Variants in NMNAT2 observed in about 807,000 individuals in gnomAD.
The protein encoded by NMNAT2 is nicotinamide/nicotinic acid mononucleotide adenylyltransferase 2.
In NMNAT2, 11 loss-of-function variants were observed where a neutral mutation model predicts 41.6. The observed-to-expected ratio is 0.26, with a 90% confidence interval of 0.17 to 0.44. The LOEUF is 0.44. Ranked by LOEUF, NMNAT2 falls within the 20% of genes least tolerant of loss-of-function variation. The probability of loss-of-function intolerance (pLI) is 1.00; values close to 1 mark genes in which losing one functional copy is unlikely to be tolerated. For synonymous variants in NMNAT2, 148 were observed against 151.2 expected (o/e 0.98, Z 0.16); for missense variants, 288 against 407.7 (o/e 0.71, Z 2.53).
chr1:183,316,200 CAGGG>C (rs1439665669), intron 1 of NMNAT2, among the ~76,000 whole-genome samples: 1 of 152,148 alleles, frequency 6.6e-6, no homozygotes, highest in African/African-American at 2.4e-5. Context: ...CTCCAGTTCC[CAGGG>C]ACTTCCTCCC....
intron 1 of NMNAT2, among the ~76,000 whole-genome samples, chr1:183,294,786 T>C (rs929627174): frequency 2.6e-5 from 4 of 152,118 alleles, no homozygotes; most frequent in Non-Finnish European, 5.9e-5. Context: ...GGAGACTCCA[T>C]CTAAAAACAA....
At chr1:183,350,335 C>G (rs1663019570) in intron 1 of NMNAT2, among the ~76,000 whole-genome samples, 1 of 152,098 alleles carries the variant, frequency 6.6e-6, no homozygotes, top group Non-Finnish European at 1.5e-5. Context: ...TGGTCAACCC[C>G]TGTTAATTTG....
chr1:183,282,865 G>A (rs1272086791), intron 7 of NMNAT2: 5 of 152,116 alleles, frequency 3.3e-5, no homozygotes, highest in Non-Finnish European at 7.4e-5. Context: ...GAAGTGAGGA[G>A]TTTTGAGTAT....
At chr1:183,291,655 G>A (rs1231211053) in intron 3 of NMNAT2, among the ~76,000 whole-genome samples, 2 of 152,156 alleles carry the variant, frequency 1.3e-5, no homozygotes, top group African/African-American at 2.4e-5. Context: ...ACAGTCTCCT[G>A]CCCAGTGATT....
At chr1:183,274,781 GA>G (rs955138608) in intron 8 of NMNAT2, among the ~76,000 whole-genome samples, 5 of 147,416 alleles carry the variant, frequency 3.4e-5, no homozygotes, top group African/African-American at 9.8e-5. Context: ...AAAAAAAAAA[GA>G]AAAAAAAGAC....
chr1:183,403,445 C>CG (rs1427837317), intron 1 of NMNAT2, among the ~76,000 whole-genome samples: 1 of 151,324 alleles, frequency 6.6e-6, no homozygotes, highest in Non-Finnish European at 1.5e-5. Context: ...GAACAACCCC[C>CG]CCCCCCAAAA....
chr1:183,319,242 G>A (rs999039118), intron 1 of NMNAT2, among the ~76,000 whole-genome samples: 2 of 152,224 alleles, frequency 1.3e-5, no homozygotes, highest in Admixed American at 6.5e-5. Flanking sequence ...AGCACCTACT[G>A]TGTACCCGTG....
chr1:183,401,314 A>T (rs550394979), intron 1 of NMNAT2, among the ~76,000 whole-genome samples: 1 of 152,362 alleles, frequency 6.6e-6, no homozygotes, highest in African/African-American at 2.4e-5. Flanking sequence ...ACATGAAAAA[A>T]TGCTCATCAT....
chr1:183,297,399 T>G (rs1392341307), intron 1 of NMNAT2, among the ~76,000 whole-genome samples: 5 of 123,216 alleles, frequency 4.1e-5, no homozygotes, highest in Non-Finnish European at 8.8e-5. Context: ...TTTTTTTTTT[T>G]GAGACGGAGT....
intron 1 of NMNAT2, among the ~76,000 whole-genome samples, chr1:183,347,553 T>C (rs768195575): frequency 6.6e-6 from 1 of 152,210 alleles, no homozygotes; most frequent in Non-Finnish European, 1.5e-5. Flanking sequence ...TGGAAAAAGC[T>C]TGGGAAAGTG....
At chr1:183,317,806 G>T (rs2102328394) in intron 1 of NMNAT2, among the ~76,000 whole-genome samples, 1 of 152,292 alleles carries the variant, frequency 6.6e-6, no homozygotes, top group East Asian at 1.9e-4. Context: ...GACACTAGCA[G>T]AGGGAAAGGC....
intron 7 of NMNAT2, chr1:183,283,741 T>G (rs2102301654): frequency 2.0e-6 from 1 of 504,190 alleles, no homozygotes; most frequent in South Asian, 2.1e-5. Flanking sequence ...GAGGAGGGAG[T>G]GGAGGCTCTG....
chr1:183,389,803 A>G lies in NMNAT2; in HGVS notation c.85+28380T>C, dbSNP rs1557897621. 9.6e-4 allele frequency among the ~76,000 whole-genome samples: 76 copies of G among 79,352 alleles called. 3 individuals are homozygous for G. The highest frequency in any genetic ancestry group is 1.5e-3 in the Non-Finnish European group (54 of 35,264). The allele number at this position is 79,352 out of a possible 152,430, so 52.1% of individuals were successfully genotyped here. On this transcript the variant is annotated intron_variant, in intron 1 of 10. Coordinates refer to ENST00000287713, the MANE Select transcript of NMNAT2 (RefSeq NM_015039.4). The stretch of plus-strand genomic sequence containing the variant: ...AAGAAAGAAAGAAAGAAAGAAAGAA[A>G]GAAAGAAAGAAAGAAAGAAAGAAAG...
chr1:183,337,533 C>G lies in NMNAT2; in HGVS notation c.86-43740G>C, dbSNP rs530396. Among the ~76,000 whole-genome samples, 50 of 145,646 alleles carry G rather than the reference C, an allele frequency of 3.4e-4. 1 individual carries two copies. The South Asian group carries it at 0.011, about 31-fold the overall frequency. ...AATAAGACCTTGAATCTAGGTTTGC[C>G]TACTACCAATAATCTTAACCACCTC... On this transcript the variant is annotated intron_variant, in intron 1 of 10. Coordinates refer to ENST00000287713, the MANE Select transcript of NMNAT2 (RefSeq NM_015039.4).
intron 2 of NMNAT2, among the ~76,000 whole-genome samples, chr1:183,293,440 C>G (rs1432486243): frequency 6.6e-6 from 1 of 152,256 alleles, no homozygotes; most frequent in Non-Finnish European, 1.5e-5. Context: ...TGTTTCTGCT[C>G]CTCTTTCAGT....
chr1:183,367,859 G>A (rs1663448286), intron 1 of NMNAT2, among the ~76,000 whole-genome samples: 1 of 152,164 alleles, frequency 6.6e-6, no homozygotes, highest in South Asian at 2.1e-4. Flanking sequence ...CCAGTGGATT[G>A]TCTCAGCACA....
chr1:183,406,726 A>C (rs1309809538), intron 1 of NMNAT2, among the ~76,000 whole-genome samples: 2 of 152,164 alleles, frequency 1.3e-5, no homozygotes, highest in African/African-American at 2.4e-5. Flanking sequence ...GTACTTTACA[A>C]AGCTTCACTT....
intron 1 of NMNAT2, among the ~76,000 whole-genome samples, chr1:183,395,821 A>C (rs1047276224): frequency 6.6e-6 from 1 of 152,182 alleles, no homozygotes; most frequent in African/African-American, 2.4e-5. Context: ...AATGTAAAAG[A>C]AGGGGGGAAT....
At chr1:183,302,272 G>A (rs1661874123) in intron 1 of NMNAT2, among the ~76,000 whole-genome samples, 1 of 152,034 alleles carries the variant, frequency 6.6e-6, no homozygotes, top group Non-Finnish European at 1.5e-5. Flanking sequence ...TTTTTGATGC[G>A]GGCCACAGCA....
Sources: gnomAD v4.1 joint callset for allele counts (sites outside exome capture counted in the v4.1 genomes callset) on GRCh38, gnomAD v4.1.1 for gene constraint, MANE v1.5 for transcripts, NCBI Gene and HGNC (gene_info 2026-07-23, HGNC 2026-07-21) for gene names.